The following AP2B1 variants were observed in gnomAD, a reference collection of about 807,000 sequenced individuals.
AP2B1 encodes adaptor related protein complex 2 subunit beta 1.
A neutral mutation model predicts 102.0 loss-of-function variants in AP2B1; 23 were observed. That is an observed-to-expected ratio of 0.23 (90% CI 0.16 to 0.32). AP2B1 has a LOEUF of 0.32. AP2B1 is among the 10% of genes least tolerant of loss of function. The pLI is 1.00. For missense variants in AP2B1, 541 were observed against 1,157.4 expected, an observed-to-expected ratio of 0.47 and a Z score of 7.73; for synonymous variants, 381 against 421.2, an observed-to-expected ratio of 0.90 and a Z score of 1.17.
At chr17:35,596,574 C>T (rs1209459865) in intron 2 of AP2B1, among the ~76,000 whole-genome samples, 1 of 150,174 alleles carries the variant, frequency 6.7e-6, no homozygotes, top group Non-Finnish European at 1.5e-5. Flanking sequence ...AGTCCTCGGG[C>T]GCCGTCATCC....
intron 21 of AP2B1, among the ~76,000 whole-genome samples, chr17:35,718,656 T>G (rs1426870407): frequency 6.8e-6 from 1 of 147,560 alleles, no homozygotes; most frequent in Non-Finnish European, 1.5e-5. Flanking sequence ...AAGACCAGCC[T>G]GGGTAACATA....
At chr17:35,603,653 C>T (rs555526066) in intron 3 of AP2B1, among the ~76,000 whole-genome samples, 8 of 152,256 alleles carry the variant, frequency 5.3e-5, no homozygotes, top group African/African-American at 1.9e-4. Flanking sequence ...CTGGATGGGG[C>T]ATCTTGTCAT....
At chr17:35,664,650 A>G (rs2075424811) in intron 14 of AP2B1, among the ~76,000 whole-genome samples, 1 of 152,206 alleles carries the variant, frequency 6.6e-6, no homozygotes, top group South Asian at 2.1e-4. Context: ...CATTCATTCA[A>G]TAAGTAAATA....
At chr17:35,681,425 G>T (rs1050628450) in intron 17 of AP2B1, among the ~76,000 whole-genome samples, 2 of 152,136 alleles carry the variant, frequency 1.3e-5, no homozygotes, top group South Asian at 4.1e-4. Context: ...TTAAAGACAG[G>T]GTGTCGCTCT....
chr17:35,654,734 A>G (rs989261220), intron 13 of AP2B1, among the ~76,000 whole-genome samples: 4 of 151,898 alleles, frequency 2.6e-5, no homozygotes, highest in Non-Finnish European at 5.9e-5. Flanking sequence ...TTTATTTAAG[A>G]TCGGCTTTAC....
Position 35,608,395 on chromosome 17 carries a change from G to A in AP2B1, c.525+8G>A, listed in dbSNP as rs753515011. ...GCAGATTCAAATCCAATGGTAATAA[G>A]CTTCTGCTTTTACAAAGAGAGCAGT... On this transcript the variant is annotated splice_region_variant and intron_variant, in intron 5 of 21. Coordinates refer to ENST00000610402, the MANE Select transcript of AP2B1 (RefSeq NM_001030006.2). 24 of 1,613,542 alleles carry A rather than the reference G, an allele frequency of 1.5e-5. No homozygotes were observed. The highest frequency in any genetic ancestry group is 2.0e-5 in the Non-Finnish European group (24 of 1,179,712).
rs587638137 is a variant in AP2B1, at chr17:35,722,614, C to G, written c.2782-1011C>G. 4.0e-3 allele frequency among the ~76,000 whole-genome samples: 604 copies of G among 152,080 alleles called. 5 individuals are homozygous for G. Among genetic ancestry groups the G allele is most frequent in the African/African-American group, 0.013 (555 of 41,454 alleles). On this transcript the variant is annotated intron_variant, in intron 21 of 21. Coordinates refer to ENST00000610402, the MANE Select transcript of AP2B1 (RefSeq NM_001030006.2). ...ATTCAAAGATAGTCTCACTTTTGCA[C>G]TATGTTAAATTGTCCTTAGTCTCTA...
chr17:35,598,536 T>C (rs1009157146), intron 3 of AP2B1, among the ~76,000 whole-genome samples: 5 of 152,246 alleles, frequency 3.3e-5, no homozygotes, highest in African/African-American at 1.2e-4. Context: ...GGGGTGTGTG[T>C]GTGTTTGTGT....
intron 4 of AP2B1, among the ~76,000 whole-genome samples, 162 bp downstream of exon 4, chr17:35,606,002 G>C (rs1156945604): frequency 6.6e-6 from 1 of 152,186 alleles, no homozygotes; most frequent in Admixed American, 6.5e-5. Flanking sequence ...CAAACCATGT[G>C]CTGAGCTTTC....
Position 35,686,796 on chromosome 17 carries a change from C to T in AP2B1, c.2454+3972C>T, listed in dbSNP as rs767294309. ...TGGCTAACACGGTGAAACCCCGTCT[C>T]TACTAAAAATGCAAAAAAAATTAGT... On this transcript the variant is annotated intron_variant, in intron 18 of 21. Transcript: ENST00000610402. Among the ~76,000 whole-genome samples, 130 of 152,062 alleles carry T rather than the reference C, an allele frequency of 8.5e-4. 2 individuals carry two copies. The highest frequency in any genetic ancestry group is 1.6e-4 in the Non-Finnish European group (11 of 68,028).
chr17:35,679,537 T>G (rs2075773153), intron 17 of AP2B1, among the ~76,000 whole-genome samples: 1 of 152,134 alleles, frequency 6.6e-6, no homozygotes, highest in Non-Finnish European at 1.5e-5. Context: ...TCCTTGTGCC[T>G]GCCTACTGTA....
chr17:35,611,295 A>G (rs1398459930), intron 5 of AP2B1, among the ~76,000 whole-genome samples: 2 of 152,334 alleles, frequency 1.3e-5, no homozygotes, highest in East Asian at 3.9e-4. Context: ...AACTTATTAA[A>G]TATTCAGTGG....
At chr17:35,698,387 G>T (rs996863537) in intron 18 of AP2B1, among the ~76,000 whole-genome samples, 2 of 152,110 alleles carry the variant, frequency 1.3e-5, no homozygotes, top group African/African-American at 4.8e-5. Context: ...ACAGCTTACT[G>T]CAGCCTTGAC....
intron 5 of AP2B1, among the ~76,000 whole-genome samples, chr17:35,614,166 C>A (rs1477921836): frequency 6.6e-6 from 1 of 151,950 alleles, no homozygotes. Flanking sequence ...ACCATATGTG[C>A]TTTGCTTTTT....
intron 17 of AP2B1, among the ~76,000 whole-genome samples, chr17:35,679,040 T>G (rs1423556208): frequency 2.0e-5 from 3 of 152,222 alleles, no homozygotes; most frequent in Non-Finnish European, 4.4e-5. Context: ...TCTTTCCACT[T>G]TTTTATAATA....
chr17:35,592,028 C>G (rs2073116350), intron 1 of AP2B1, among the ~76,000 whole-genome samples: 1 of 152,168 alleles, frequency 6.6e-6, no homozygotes, highest in Admixed American at 6.5e-5. Context: ...GGAAAGATAG[C>G]AAATGAGTCT....
In AP2B1 at chr17:35,724,786, T is replaced by G. The variant is rs1555594648; in HGVS notation, c.*1087T>G. 1 of 152,258 alleles carries G rather than the reference T, an allele frequency of 6.6e-6. No individual in the cohort carries two copies. Among genetic ancestry groups the G allele is most frequent in the African/African-American group, 2.4e-5 (1 of 41,468 alleles). The allele number at this position is 152,258 out of a possible 1,614,324, so 9.4% of individuals were successfully genotyped here. ...AGGACTGTCTCTTGTCGTTTTCCCCTAATGCCTTCTCCTGCCTTTTCTGTG... is the reference window on the plus strand; with the variant it reads ...AGGACTGTCTCTTGTCGTTTTCCCCGAATGCCTTCTCCTGCCTTTTCTGTG... On this transcript the variant is annotated 3_prime_UTR_variant, in exon 22 of 22. Coordinates refer to ENST00000610402, the MANE Select transcript of AP2B1 (RefSeq NM_001030006.2).
At chr17:35,706,485 A>G (rs1311569047) in intron 18 of AP2B1, among the ~76,000 whole-genome samples, 2 of 152,160 alleles carry the variant, frequency 1.3e-5, no homozygotes, top group Non-Finnish European at 2.9e-5. Context: ...CTGTTTTGAA[A>G]AGCCTTTCCA....
Position 35,626,801 on chromosome 17 carries a change from G to A in AP2B1, c.897G>A (p.Gln299=). The part of the protein sequence containing the change: ...VTLLSGEPEV[Q]YVALRNINLI... Reference sequence around the variant, plus strand: ...TGCTGTCTGGGGAGCCAGAAGTGCAGTATGTCGCCCTGAGGAACATCAACT... The same window carrying A: ...TGCTGTCTGGGGAGCCAGAAGTGCAATATGTCGCCCTGAGGAACATCAACT... The change falls in exon 7 of 22, where the codon CAG becomes CAA. Residue 299 remains glutamine, a synonymous_variant. Coordinates refer to ENST00000610402, the MANE Select transcript of AP2B1 (RefSeq NM_001030006.2). 2 of 1,614,064 alleles carry A rather than the reference G, an allele frequency of 1.2e-6. No individual in the cohort carries two copies. The highest frequency in any genetic ancestry group is 1.7e-6 in the Non-Finnish European group (2 of 1,179,988).
Sources: gnomAD v4.1 joint callset for allele counts (sites outside exome capture counted in the v4.1 genomes callset) on GRCh38, gnomAD v4.1.1 for gene constraint, MANE v1.5 for transcripts, NCBI Gene and HGNC (gene_info 2026-07-23, HGNC 2026-07-21) for gene names.